CLEC4F: variants seen among roughly 807,000 people sequenced by gnomAD.
CLEC4F encodes C-type lectin domain family 4 member F, also known as C-type (calcium dependent, carbohydrate-recognition domain) lectin, superfamily member 13.
CLEC4F carries 45 observed loss-of-function variants against 53.4 expected under a neutral mutation model. That is an observed-to-expected ratio of 0.84 (90% CI 0.66 to 1.08). The LOEUF is 1.08. Among genes scored for constraint, CLEC4F ranks in the 50% least tolerant of loss-of-function variants. The probability of loss-of-function intolerance (pLI) is 0.00; values close to 1 mark genes in which losing one functional copy is unlikely to be tolerated. For missense variants in CLEC4F, 753 were observed against 698.2 expected (o/e 1.08, Z -0.88); for synonymous variants, 245 against 257.5 (o/e 0.95, Z 0.46).
In CLEC4F at chr2:70,819,854, C is replaced by T. The variant is rs1553397514; in HGVS notation, c.99G>A (p.Lys33=). ...GGGTAGCCTGAACGAGCCTCGGTAT[C>T]TTGGGGGCTGCAGGAGCCATTGCCA... is the stretch of plus-strand genomic sequence containing the variant. ...DSVAMAPAAP[K]IPRLVQATPA... is the part of the protein sequence containing the mutation. The change falls in exon 2 of 7, where the codon AAG becomes AAA. Residue 33 remains lysine, a synonymous_variant. Transcript: ENST00000272367. 1.2e-6 allele frequency: 2 copies of T among 1,606,804 alleles called. No homozygotes were observed. Among genetic ancestry groups the T allele is most frequent in the South Asian group, 2.2e-5 (2 of 89,704 alleles).
chr2:70,811,312 C>A, intron 5 of CLEC4F: 1 of 1,019,234 alleles, frequency 9.8e-7, no homozygotes, highest in South Asian at 1.3e-5. Context: ...AGAATTTTGT[C>A]AATATTGGAG....
At position 70,816,076 on chromosome 2, in the gene CLEC4F, G is replaced by T. The variant is rs1676882121; in HGVS notation, c.1305C>A (p.Thr435=). Residue 435 remains threonine, a synonymous_variant, in exon 4 of 7, where the codon ACC becomes ACA. Coordinates refer to ENST00000272367, the MANE Select transcript of CLEC4F (RefSeq NM_173535.3). ...GACTCTGCTCCTGCTGGATTTCCAT[G>T]GTTAGAGCTTTGGTGTTCTCTAGAT... ...RGDLENTKAL[T]MEIQQEQSRL... The T allele has an allele frequency of 6.2e-7, 1 of 1,614,188 alleles. No individual in the cohort carries two copies. Among genetic ancestry groups the T allele is most frequent in the African/African-American group, 1.3e-5 (1 of 75,050 alleles).
chr2:70,809,803 T>C lies in CLEC4F; in HGVS notation c.1594A>G (p.Arg532Gly). 6.2e-7 allele frequency: 1 copy of C among 1,614,192 alleles called. No individual in the cohort carries two copies. The highest frequency in any genetic ancestry group is 8.5e-7 in the Non-Finnish European group (1 of 1,180,010). The change falls in exon 6 of 7, where the codon AGG (arginine) becomes GGG (glycine). Residue 532 changes from arginine (R) to glycine (G), a missense_variant. Transcript: ENST00000272367. Reference sequence around the variant, plus strand: ...CAGCGCCAGGAGCCCTCTGTGCCCCTGTCAGTGAGACCGATCCAGTAGTAC... The same window carrying C: ...CAGCGCCAGGAGCCCTCTGTGCCCCCGTCAGTGAGACCGATCCAGTAGTAC... Reference protein sequence around the residue: ...KVYYWIGLTDRGTEGSWRWTD... With the variant: ...KVYYWIGLTDGGTEGSWRWTD...
At chr2:70,822,130 G>T (rs1558623164), upstream of CLEC4F, among the ~76,000 whole-genome samples, 1 of 152,138 alleles carries the variant, frequency 6.6e-6, no homozygotes, top group South Asian at 2.1e-4. Context: ...CATCTGAAGG[G>T]GGGCAGTCTT....
Position 70,816,333 on chromosome 2 carries a change from C to T in CLEC4F, c.1048G>A (p.Gly350Ser), listed in dbSNP as rs1172349137. 1 of 1,614,058 alleles carries T rather than the reference C, an allele frequency of 6.2e-7. No homozygotes were observed. The highest frequency in any genetic ancestry group is 8.5e-7 in the Non-Finnish European group (1 of 1,180,034). Residue 350 changes from glycine (G) to serine (S), a missense_variant, in exon 4 of 7, where the codon GGC (glycine) becomes AGC (serine). Coordinates refer to ENST00000272367, the MANE Select transcript of CLEC4F (RefSeq NM_173535.3). ...TGAGTATCTGTCTGGTCCAGACGGC[C>T]ATTTGCTTTTTGGGTCTGGGCTGTG... Reference protein sequence around the residue: ...MVTAQTQKANGRLDQTDTQIQ... With the variant: ...MVTAQTQKANSRLDQTDTQIQ...
upstream of CLEC4F, among the ~76,000 whole-genome samples, chr2:70,822,793 C>T (rs560070552): frequency 1.7e-3 from 263 of 152,346 alleles, 2 homozygotes; most frequent in African/African-American, 5.9e-3. Context: ...ATGGCTTGTT[C>T]CATCCATGTT....
Position 70,808,950 on chromosome 2 carries a change from G to A in CLEC4F, c.*321C>T, listed in dbSNP as rs2287100. ...GCCCTCAGGCCACACCCTGGCCCAT[G>A]GGCTTCTTGCACACCCACTGATAGG... On this transcript the variant is annotated 3_prime_UTR_variant, in exon 7 of 7. Coordinates refer to ENST00000272367, the MANE Select transcript of CLEC4F (RefSeq NM_173535.3). 59,659 of 896,684 alleles carry A rather than the reference G, an allele frequency of 0.067. 3,664 individuals are homozygous for A. The highest frequency in any genetic ancestry group is 0.23 in the East Asian group (8,676 of 37,592). 55.5% of individuals were successfully genotyped at this position (896,684 alleles called of 1,614,324 possible). A position where few individuals can be genotyped will look rare whatever the true frequency, so the allele number is the denominator to read the frequency against.
Position 70,809,180 on chromosome 2 carries a change from T to A in CLEC4F, c.*91A>T. 6.4e-7 allele frequency: 1 copy of A among 1,562,228 alleles called. No individual in the cohort carries two copies. The highest frequency in any genetic ancestry group is 8.7e-7 in the Non-Finnish European group (1 of 1,152,400). On this transcript the variant is annotated 3_prime_UTR_variant, in exon 7 of 7. Coordinates refer to ENST00000272367, the MANE Select transcript of CLEC4F (RefSeq NM_173535.3). ...CATGGGATGAGTCTAGGGAGCTGAC[T>A]TGAGATGGGTCCTTCATCCCCTAGT...
In CLEC4F at chr2:70,809,791, C is replaced by T; in HGVS notation, c.1606G>A (p.Gly536Ser). 3.7e-6 allele frequency: 6 copies of T among 1,614,156 alleles called. No individual in the cohort carries two copies. Among genetic ancestry groups the T allele is most frequent in the Non-Finnish European group, 5.1e-6 (6 of 1,179,996 alleles). Residue 536 changes from glycine (G) to serine (S), a missense_variant, in exon 6 of 7, where the codon GGC (glycine) becomes AGC (serine). Physicochemically the swap from Gly to Ser is moderately conservative, Grantham distance 56 (BLOSUM62 0). Transcript: ENST00000272367. ...GTCCCATCTGTCCAGCGCCAGGAGC[C>T]CTCTGTGCCCCTGTCAGTGAGACCG... is the stretch of plus-strand genomic sequence containing the variant. Reference protein sequence around the residue: ...WIGLTDRGTEGSWRWTDGTPF... With the variant: ...WIGLTDRGTESSWRWTDGTPF...
At chr2:70,819,309 A>G (rs1553397191) in intron 3 of CLEC4F, 46 bp downstream of exon 3, 4 of 1,462,116 alleles carry the variant, frequency 2.7e-6, no homozygotes, top group Non-Finnish European at 2.9e-6. Flanking sequence ...TGAGCATCTG[A>G]AGGCCCCAGT....
chr2:70,823,067 A>G (rs1005428), upstream of CLEC4F, among the ~76,000 whole-genome samples: 125,041 of 152,150 alleles, frequency 0.82, 52,850 homozygotes, highest in Non-Finnish European at 0.93. Context: ...GGATCTGCAG[A>G]CAGGAAGGGA....
chr2:70,822,780 C>T (rs1677258790), upstream of CLEC4F, among the ~76,000 whole-genome samples: 1 of 152,232 alleles, frequency 6.6e-6, no homozygotes, highest in Non-Finnish European at 1.5e-5. Context: ...CACAACCTTG[C>T]AAATGGCTTG....
chr2:70,820,386 C>T, intron 1 of CLEC4F, 77 bp downstream of exon 1: 1 of 1,339,532 alleles, frequency 7.5e-7, no homozygotes, highest in Non-Finnish European at 1.0e-6. Flanking sequence ...CAGCAATAAG[C>T]TGCCTTATGG....
At position 70,816,132 on chromosome 2, in the gene CLEC4F, C is replaced by T. The variant is rs375637936; in HGVS notation, c.1249G>A (p.Ala417Thr). 4 of 1,614,038 alleles carry T rather than the reference C, an allele frequency of 2.5e-6. No individual in the cohort carries two copies. In the African/African-American group the frequency reaches 5.3e-5, roughly 22 times the overall value. The change falls in exon 4 of 7, where the codon GCC becomes ACC. Residue 417 changes from alanine to threonine, a missense_variant. Physicochemically the swap from Ala to Thr is moderately conservative, Grantham distance 58. Transcript: ENST00000272367. ...CTTAACCTCTGGATCTCGGCACTGG[C>T]CTTCTGCAGATTGCTGTCTAACATC... is the stretch of plus-strand genomic sequence containing the variant. ...TQMLDSNLQKASAEIQRLRGD... is the reference protein window; with the variant it reads ...TQMLDSNLQKTSAEIQRLRGD...
chr2:70,813,585 CTCTCTTTCTT>C (rs1558612475), intron 4 of CLEC4F, among the ~76,000 whole-genome samples: 1 of 110,674 alleles, frequency 9.0e-6, no homozygotes, highest in Non-Finnish European at 2.0e-5. Context: ...TTTTCTTTCT[CTCTCTTTCTT>C]TCTCTTTCTT....
chr2:70,818,570 G>A (rs1553396999), intron 3 of CLEC4F, among the ~76,000 whole-genome samples: 1 of 151,998 alleles, frequency 6.6e-6, no homozygotes. Context: ...AATTAGCCAG[G>A]CGTGGTGGCG....
chr2:70,824,036 AAGAAAGAAAG>A (rs1414721540), upstream of CLEC4F, among the ~76,000 whole-genome samples: 152 of 78,246 alleles, frequency 1.9e-3, 7 homozygotes, highest in East Asian at 0.055. Flanking sequence ...AAAAAAAAAA[AAGAAAGAAAG>A]AAAGAAAGAA....
chr2:70,821,435 A>G (rs1677215609), upstream of CLEC4F, among the ~76,000 whole-genome samples: 1 of 151,960 alleles, frequency 6.6e-6, no homozygotes, highest in East Asian at 1.9e-4. Context: ...CTACTCCCAG[A>G]CCTCCAGGTA....
chr2:70,822,626 G>T (rs1034646575), upstream of CLEC4F, among the ~76,000 whole-genome samples: 7 of 152,176 alleles, frequency 4.6e-5, no homozygotes, highest in Non-Finnish European at 1.0e-4. Flanking sequence ...CAGTGCTGGG[G>T]TTACCAGCAG....
Sources: allele counts gnomAD v4.1 joint callset (sites outside exome capture counted in the v4.1 genomes callset), GRCh38; gene constraint gnomAD v4.1.1; transcripts MANE v1.5; gene names NCBI Gene and HGNC (gene_info 2026-07-23, HGNC 2026-07-21).